Variants in UGGT2 observed in about 807,000 individuals in gnomAD.
The protein encoded by UGGT2 is UDP-glucose glycoprotein glucosyltransferase 2, also known as UDP-glucose:glycoprotein glucosyltransferase 2.
In UGGT2, 180 loss-of-function variants were observed where a neutral mutation model predicts 192.1. The observed-to-expected ratio is 0.94, with a 90% CI of 0.83 to 1.06. The LOEUF (loss-of-function observed/expected upper bound fraction) is 1.06. UGGT2 is among the 50% of genes least tolerant of loss of function. The pLI, the probability that UGGT2 is intolerant of heterozygous loss-of-function variation, is 0.00. For synonymous variants in UGGT2, 580 were observed against 591.0 expected (o/e 0.98, Z 0.27); for missense variants, 1,849 against 1,795.7 (o/e 1.03, Z -0.54).
intron 1 of UGGT2, among the ~76,000 whole-genome samples, chr13:96,032,269 T>C (rs956739646): frequency 1.3e-5 from 2 of 152,072 alleles, no homozygotes; most frequent in Admixed American, 1.3e-4. Context: ...GTTTATTCTA[T>C]CTTGCCATAT....
chr13:96,025,522 A>T (rs930507362), intron 2 of UGGT2, among the ~76,000 whole-genome samples: 3 of 152,250 alleles, frequency 2.0e-5, no homozygotes, highest in Non-Finnish European at 4.4e-5. Flanking sequence ...CCTTTCAAAG[A>T]TGACAATAAA....
intron 1 of UGGT2, among the ~76,000 whole-genome samples, chr13:96,052,192 T>G (rs1805090602): frequency 6.6e-6 from 1 of 152,202 alleles, no homozygotes; most frequent in Non-Finnish European, 1.5e-5. Context: ...TTAGAGACTA[T>G]TATTCTAAGT....
chr13:96,013,481 C>A lies in UGGT2; in HGVS notation c.486G>T (p.Arg162Ser). 1.3e-6 allele frequency: 2 copies of A among 1,509,738 alleles called. No homozygotes were observed. Among genetic ancestry groups the A allele is most frequent in the East Asian group, 2.4e-5 (1 of 41,128 alleles). 93.5% of individuals were successfully genotyped at this position (1,509,738 alleles called of 1,614,324 possible). A position where few individuals can be genotyped will look rare whatever the true frequency, so the allele number is the denominator to read the frequency against. ...IKKLLKKAAS[R>S]TRPYLFKGDH... is the part of the protein sequence containing the mutation. ...CTCCTTTAAATAGATAAGGTCTAGT[C>A]CTAAGATAAAAGCAAAACACAAAGT... The change falls in exon 5 of 39, where the codon AGG (arginine) becomes AGT (serine). Residue 162 changes from arginine (R) to serine (S), a missense_variant and splice_region_variant. Physicochemically the swap from Arg to Ser is moderately radical, Grantham distance 110. Transcript: ENST00000376747.
At chr13:95,938,458 T>A (rs948122346) in intron 16 of UGGT2, among the ~76,000 whole-genome samples, 33 of 152,214 alleles carry the variant, frequency 2.2e-4, no homozygotes, top group African/African-American at 7.5e-4. Context: ...TTACAGATGA[T>A]AAAACAGATA....
At chr13:95,943,551 G>A (rs2140558347) in intron 15 of UGGT2, among the ~76,000 whole-genome samples, 1 of 152,030 alleles carries the variant, frequency 6.6e-6, no homozygotes, top group African/African-American at 2.4e-5. Flanking sequence ...ACAGGGTGTG[G>A]TATGTAGTAG....
At chr13:95,870,866 A>G (rs1032347634) in intron 29 of UGGT2, among the ~76,000 whole-genome samples, 1 of 152,164 alleles carries the variant, frequency 6.6e-6, no homozygotes, top group Non-Finnish European at 1.5e-5. Context: ...ACCCTCATTG[A>G]GTGGAAGTGG....
intron 36 of UGGT2, among the ~76,000 whole-genome samples, chr13:95,852,593 A>G (rs1889159750): frequency 1.3e-5 from 2 of 152,230 alleles, no homozygotes; most frequent in Admixed American, 6.5e-5. Context: ...TCTTAGGAGA[A>G]TATCTGGCAC....
intron 5 of UGGT2, among the ~76,000 whole-genome samples, chr13:96,001,961 A>G (rs2051819947): frequency 6.6e-6 from 1 of 152,236 alleles, no homozygotes; most frequent in African/African-American, 2.4e-5. Context: ...TGTAAGAATT[A>G]CAGAATAATA....
At chr13:95,921,418 G>A (rs2048842447) in intron 20 of UGGT2, among the ~76,000 whole-genome samples, 1 of 151,798 alleles carries the variant, frequency 6.6e-6, no homozygotes, top group Non-Finnish European at 1.5e-5. Context: ...TAGTGGATAG[G>A]AAGCAGTGTT....
At chr13:95,846,467 C>G (rs1462229540) in intron 36 of UGGT2, among the ~76,000 whole-genome samples, 1 of 152,050 alleles carries the variant, frequency 6.6e-6, no homozygotes, top group Non-Finnish European at 1.5e-5. Context: ...TTATATATTA[C>G]TAAATTTGAT....
intron 24 of UGGT2, among the ~76,000 whole-genome samples, chr13:95,892,017 A>G (rs1271431672): frequency 1.3e-5 from 2 of 152,172 alleles, no homozygotes; most frequent in Non-Finnish European, 2.9e-5. Context: ...AAGAGCCACA[A>G]ATCAGACGTT....
chr13:95,810,558 T>C (rs1316565686), intron 38 of UGGT2, among the ~76,000 whole-genome samples: 1 of 152,204 alleles, frequency 6.6e-6, no homozygotes, highest in Non-Finnish European at 1.5e-5. Context: ...TACCTAGCTT[T>C]TTAGTCTTTT....
At chr13:95,808,459 T>G (rs1029969111) in intron 38 of UGGT2, among the ~76,000 whole-genome samples, 34 of 152,202 alleles carry the variant, frequency 2.2e-4, no homozygotes, top group African/African-American at 7.5e-4. Flanking sequence ...AAAAACCTGT[T>G]GAGGCAAATA....
chr13:95,989,290 T>C (rs1198127778), intron 8 of UGGT2, among the ~76,000 whole-genome samples: 1 of 152,168 alleles, frequency 6.6e-6, no homozygotes, highest in Admixed American at 6.6e-5. Flanking sequence ...ATCTGAGATA[T>C]AAAAGCTTAT....
intron 33 of UGGT2, among the ~76,000 whole-genome samples, chr13:95,857,722 T>C (rs1889753689): frequency 6.6e-6 from 1 of 152,172 alleles, no homozygotes; most frequent in Admixed American, 6.6e-5. Context: ...AGAAAAATTT[T>C]GAATGAAAGA....
At chr13:95,811,288 A>T (rs534046444) in intron 38 of UGGT2, among the ~76,000 whole-genome samples, 3 of 152,250 alleles carry the variant, frequency 2.0e-5, no homozygotes, top group Non-Finnish European at 4.4e-5. Context: ...ATCCACTTAA[A>T]ACCTGTATAT....
At chr13:95,808,532 T>A (rs768475961) in intron 38 of UGGT2, among the ~76,000 whole-genome samples, 1 of 152,002 alleles carries the variant, frequency 6.6e-6, no homozygotes, top group Non-Finnish European at 1.5e-5. Flanking sequence ...ATTGGTTGGG[T>A]CGAGGATCAG....
chr13:96,010,820 T>C (rs1004306690), intron 5 of UGGT2, among the ~76,000 whole-genome samples: 33 of 152,276 alleles, frequency 2.2e-4, no homozygotes, highest in African/African-American at 7.7e-4. Flanking sequence ...GCTAAAACAA[T>C]TCTGAAAAAG....
At chr13:95,940,564 C>T (rs1181814443) in intron 15 of UGGT2, among the ~76,000 whole-genome samples, 5 of 151,458 alleles carry the variant, frequency 3.3e-5, no homozygotes, top group Non-Finnish European at 7.4e-5. Context: ...GCAATCCTCC[C>T]ACCTAGCCCC....
Sources: allele counts gnomAD v4.1 joint callset (sites outside exome capture counted in the v4.1 genomes callset), GRCh38; gene constraint gnomAD v4.1.1; transcripts MANE v1.5; gene names NCBI Gene and HGNC (gene_info 2026-07-23, HGNC 2026-07-21).